The following KLHL14 variants were observed in gnomAD, a reference collection of about 807,000 sequenced individuals.
The protein encoded by KLHL14 is kelch-like protein 14.
In KLHL14, 22 loss-of-function variants were observed where a neutral mutation model predicts 64.3. The observed-to-expected ratio is 0.34, with a 90% confidence interval of 0.24 to 0.49. The LOEUF (loss-of-function observed/expected upper bound fraction) is 0.49. Among genes scored for constraint, KLHL14 ranks in the 20% least tolerant of loss-of-function variants. KLHL14 has a pLI of 0.99. For synonymous variants in KLHL14, 322 were observed against 333.4 expected (o/e 0.97, Z 0.37); for missense variants, 661 against 789.0 (o/e 0.84, Z 1.94).
chr18:32,705,919 C>A (rs776854129), intron 3 of KLHL14, among the ~76,000 whole-genome samples: 1 of 152,184 alleles, frequency 6.6e-6, no homozygotes, highest in Non-Finnish European at 1.5e-5. Flanking sequence ...ATCCGGTGAT[C>A]GTAGCCTCTG....
rs777039357 is a variant in KLHL14, at chr18:32,770,046, C to T, written c.546G>A (p.Ser182=). 2.5e-6 allele frequency: 4 copies of T among 1,614,046 alleles called. No individual in the cohort carries two copies. The highest frequency in any genetic ancestry group is 2.7e-5 in the African/African-American group (2 of 74,922). ...LCVQFLNDQI[S]VQNYKQVCKI... ...TGCACACCTGCTTGTAGTTCTGCAC[C>T]GAGATCTGGTCGTTGAGGAACTGCA... is the stretch of plus-strand genomic sequence containing the variant. Residue 182 remains serine (S), a synonymous_variant, in exon 2 of 9, where the codon TCG becomes TCA. Coordinates refer to ENST00000359358, the MANE Select transcript of KLHL14 (RefSeq NM_020805.3). The surrounding 1 kb of genome is among the most constrained non-coding windows in gnomAD (Gnocchi z 6.7).
rs1322481634 is a variant in KLHL14 at position 32,674,474 on chromosome 18, T to A, written c.*183A>T. The stretch of plus-strand genomic sequence containing the variant: ...CACAGGAAGTTTGGTGCGATCTGAG[T>A]TATAGACATAGTATCTGTTCAAGAA... On this transcript the variant is annotated 3_prime_UTR_variant, in exon 9 of 9. Coordinates refer to ENST00000359358, the MANE Select transcript of KLHL14 (RefSeq NM_020805.3). 1.7e-5 allele frequency: 9 copies of A among 533,718 alleles called. No homozygotes were observed. Among genetic ancestry groups the A allele is most frequent in the Non-Finnish European group, 2.7e-5 (8 of 295,130 alleles). 33.1% of individuals were successfully genotyped at this position (533,718 alleles called of 1,614,324 possible). A position where few individuals can be genotyped will look rare whatever the true frequency, so the allele number is the denominator to read the frequency against.
chr18:32,741,621 C>T (rs921616704), intron 3 of KLHL14, among the ~76,000 whole-genome samples: 1 of 152,130 alleles, frequency 6.6e-6, no homozygotes, highest in Non-Finnish European at 1.5e-5. Flanking sequence ...TGAACAACAA[C>T]AAAAAGAACA....
At chr18:32,743,539 T>TA (rs1008452781) in intron 2 of KLHL14, 1 of 152,258 alleles carries the variant, frequency 6.6e-6, no homozygotes. Context: ...GAGCTGTACT[T>TA]ACAGAGGAAT....
At chr18:32,694,151 A>G (rs2049925979) in intron 4 of KLHL14, among the ~76,000 whole-genome samples, 1 of 152,206 alleles carries the variant, frequency 6.6e-6, no homozygotes, top group African/African-American at 2.4e-5. Context: ...AAAGTGCAGT[A>G]GGCTGAAGAT....
At chr18:32,769,051 G>A (rs1273213758) in intron 2 of KLHL14, among the ~76,000 whole-genome samples, 1 of 152,216 alleles carries the variant, frequency 6.6e-6, no homozygotes. Flanking sequence ...CATGATACCA[G>A]CATTTCCAAT....
intron 3 of KLHL14, among the ~76,000 whole-genome samples, chr18:32,724,148 T>C (rs1192882254): frequency 6.6e-6 from 1 of 152,146 alleles, no homozygotes; most frequent in East Asian, 1.9e-4. Context: ...CTAAAGTAGG[T>C]CAGAAGCCAA....
In KLHL14 at chr18:32,770,919, C is replaced by T. The variant is rs1159841223; in HGVS notation, c.-43-285G>A. The T allele has an allele frequency of 6.4e-6, 3 of 471,964 alleles. No homozygotes were observed. Among genetic ancestry groups the T allele is most frequent in the Non-Finnish European group, 4.0e-6 (1 of 253,050 alleles). The allele number at this position is 471,964 out of a possible 1,614,324, so 29.2% of individuals were successfully genotyped here. On this transcript the variant is annotated intron_variant, in intron 1 of 8. Coordinates refer to ENST00000359358, the MANE Select transcript of KLHL14 (RefSeq NM_020805.3). The surrounding 1 kb of genome is among the most constrained non-coding windows in gnomAD (Gnocchi z 6.7). ...TCCCACACACTTCGTCCCTCACTTT[C>T]CTAAAACCAACCACCTCAGCTCGGC... is the stretch of plus-strand genomic sequence containing the variant.
chr18:32,701,618 T>C (rs142742619), intron 3 of KLHL14, among the ~76,000 whole-genome samples: 1 of 152,288 alleles, frequency 6.6e-6, no homozygotes, highest in East Asian at 1.9e-4. Context: ...GGGGTTTAAG[T>C]GGCAGGATGA....
chr18:32,731,775 T>C (rs1397550876), intron 3 of KLHL14, among the ~76,000 whole-genome samples: 1 of 151,962 alleles, frequency 6.6e-6, no homozygotes, highest in East Asian at 1.9e-4. Context: ...ATTTTAGATG[T>C]ATAATAGTTT....
intron 5 of KLHL14, among the ~76,000 whole-genome samples, chr18:32,684,307 T>G (rs1021041068): frequency 6.6e-6 from 1 of 152,172 alleles, no homozygotes; most frequent in Non-Finnish European, 1.5e-5. Flanking sequence ...GTTGAGTGAG[T>G]CTGAAGGCCA....
At chr18:32,707,940 G>C (rs939639063) in intron 3 of KLHL14, among the ~76,000 whole-genome samples, 5 of 152,210 alleles carry the variant, frequency 3.3e-5, no homozygotes, top group Non-Finnish European at 5.9e-5. Flanking sequence ...TACAGTAGGA[G>C]ATGGAGAAAC....
chr18:32,705,960 C>T (rs1435288660), intron 3 of KLHL14, among the ~76,000 whole-genome samples: 1 of 152,170 alleles, frequency 6.6e-6, no homozygotes, highest in African/African-American at 2.4e-5. Context: ...ACATGTGGAG[C>T]CACCTAATCA....
intron 3 of KLHL14, among the ~76,000 whole-genome samples, chr18:32,710,192 G>A (rs139193985): frequency 1.2e-4 from 19 of 152,268 alleles, no homozygotes; most frequent in Admixed American, 1.3e-4. Context: ...TTGTTCTTTC[G>A]TTGTCCCCTT....
At chr18:32,758,337 C>T (rs1031577975) in intron 2 of KLHL14, among the ~76,000 whole-genome samples, 4 of 152,092 alleles carry the variant, frequency 2.6e-5, no homozygotes, top group African/African-American at 9.7e-5. Flanking sequence ...TGAAAAGATG[C>T]TCAACATGAT....
chr18:32,715,896 G>A (rs887847926), intron 3 of KLHL14, among the ~76,000 whole-genome samples: 2 of 152,130 alleles, frequency 1.3e-5, no homozygotes, highest in East Asian at 3.9e-4. Flanking sequence ...GAGCTGAGAA[G>A]AGCTGCCCAA....
intron 5 of KLHL14, among the ~76,000 whole-genome samples, chr18:32,685,157 C>G (rs1446915267): frequency 7.2e-5 from 11 of 152,150 alleles, no homozygotes; most frequent in African/African-American, 2.4e-4. Context: ...CAGACCATGG[C>G]AGGTCTTTTT....
At chr18:32,737,492 T>A (rs552788635) in intron 3 of KLHL14, 1 of 152,304 alleles carries the variant, frequency 6.6e-6, no homozygotes, top group South Asian at 2.1e-4. Flanking sequence ...TTGAATATGA[T>A]CAAACCTATA....
At chr18:32,679,826 C>A (rs2049829356) in intron 7 of KLHL14, among the ~76,000 whole-genome samples, 1 of 152,086 alleles carries the variant, frequency 6.6e-6, no homozygotes, top group Non-Finnish European at 1.5e-5. Flanking sequence ...GGAAAAAATT[C>A]ATTACTACAA....
Sources: allele counts gnomAD v4.1 joint callset (sites outside exome capture counted in the v4.1 genomes callset), GRCh38; gene constraint gnomAD v4.1.1; non-coding constraint Gnocchi (gnomAD v3.1); transcripts MANE v1.5; gene names NCBI Gene and HGNC (gene_info 2026-07-23, HGNC 2026-07-21).